Variants in CHUK observed in about 807,000 individuals in gnomAD.
CHUK encodes the protein component of inhibitor of nuclear factor kappa B kinase complex.
Under a neutral mutation model 104.8 loss-of-function variants are expected in CHUK, and 35 were observed. The observed-to-expected ratio is 0.33, with a 90% CI of 0.26 to 0.44. CHUK has a LOEUF of 0.44. Ranked by LOEUF, CHUK falls within the 20% of genes least tolerant of loss-of-function variation. The probability of loss-of-function intolerance (pLI) is 1.00; values close to 1 mark genes in which losing one functional copy is unlikely to be tolerated. For missense variants in CHUK, 663 were observed against 902.7 expected (o/e 0.73, Z 3.40); for synonymous variants, 276 against 291.9 (o/e 0.95, Z 0.56).
At position 100,218,024 on chromosome 10, in the gene CHUK, C is replaced by T. The variant is rs752475032; in HGVS notation, c.904G>A (p.Val302Ile). 2 of 1,614,112 alleles carry T rather than the reference C, an allele frequency of 1.2e-6. No homozygotes were observed. The highest frequency in any genetic ancestry group is 1.7e-6 in the Non-Finnish European group (2 of 1,179,994). Residue 302 changes from valine to isoleucine, a missense_variant, in exon 9 of 21, where the codon GTA (valine) becomes ATA (isoleucine). By Grantham distance (29) the Val-to-Ile change is conservative (BLOSUM62 3). Transcript: ENST00000370397. ...DLTLKQPRCFVLMDHILNLKI... is the reference protein window; with the variant it reads ...DLTLKQPRCFILMDHILNLKI... ...AAATTCAAAATGTGATCCATTAATA[C>T]AAAACATCTTGGCTGCTTCAAAGTA...
chr10:100,192,466 C>G (rs902396963), intron 19 of CHUK: 1 of 320,102 alleles, frequency 3.1e-6, no homozygotes, highest in African/African-American at 2.3e-5. Context: ...TACCTGATAT[C>G]AGCTTGCCTT....
chr10:100,207,282 T>C lies in CHUK; in HGVS notation c.1179A>G (p.Val393=). The change falls in exon 11 of 21, where the codon GTA becomes GTG. Residue 393 remains valine, a synonymous_variant. Coordinates refer to ENST00000370397, the MANE Select transcript of CHUK (RefSeq NM_001278.5). ...TTCTGGAAGCAAATGGCCCTTCATA[T>C]ACAGTTTTACTTTTATCAAACAAAT... ...MVYLFDKSKT[V]YEGPFASRSL... is the part of the protein sequence containing the mutation. The C allele has an allele frequency of 2.5e-6, 4 of 1,578,626 alleles. No homozygotes were observed. The highest frequency in any genetic ancestry group is 2.6e-6 in the Non-Finnish European group (3 of 1,148,632).
At chr10:100,208,381 C>T (rs370171109) in intron 10 of CHUK, among the ~76,000 whole-genome samples, 2 of 150,910 alleles carry the variant, frequency 1.3e-5, no homozygotes, top group Non-Finnish European at 2.9e-5. Flanking sequence ...CCCGGGATTA[C>T]AGGCATGGGC....
chr10:100,205,978 A>T (rs1306670144), intron 11 of CHUK, among the ~76,000 whole-genome samples: 1 of 152,170 alleles, frequency 6.6e-6, no homozygotes, highest in African/African-American at 2.4e-5. Context: ...GCAGAGGGAC[A>T]TCTTACAAAA....
At chr10:100,193,456 A>G (rs1372990675) in intron 18 of CHUK, 25 bp from the exon 19 acceptor site, 2 of 1,613,792 alleles carry the variant, frequency 1.2e-6, no homozygotes, top group Non-Finnish European at 1.7e-6. Flanking sequence ...AAAAACATCA[A>G]AAGATTACAG....
chr10:100,200,389 A>C (rs1008603829), intron 15 of CHUK, among the ~76,000 whole-genome samples: 1 of 152,212 alleles, frequency 6.6e-6, no homozygotes, highest in Non-Finnish European at 1.5e-5. Context: ...CCAGAGGTAT[A>C]ATGAGTAGGG....
In CHUK at chr10:100,194,141, T is replaced by A. The variant is rs1453011081; in HGVS notation, c.1827-10A>T. 6.2e-7 allele frequency: 1 copy of A among 1,612,938 alleles called. No individual in the cohort carries two copies. Among genetic ancestry groups the A allele is most frequent in the Admixed American group, 1.7e-5 (1 of 59,968 alleles). On this transcript the variant is annotated splice_polypyrimidine_tract_variant and intron_variant, in intron 17 of 20. Transcript: ENST00000370397. ...ACAGCCCAACAACTTGCTGGAGAGA[T>A]TAAATCAGTGTCAGACACTTTCACA...
intron 18 of CHUK, 141 bp downstream of exon 18, chr10:100,193,843 C>T (rs1313301184): frequency 6.8e-6 from 5 of 739,806 alleles, no homozygotes; most frequent in South Asian, 1.6e-5. Flanking sequence ...AGTCTGGACA[C>T]CAAGCAAGGA....
In CHUK at chr10:100,204,497, G is replaced by A. The variant is rs769582505; in HGVS notation, c.1507+9C>T. The A allele has an allele frequency of 1.9e-6, 3 of 1,611,400 alleles. No individual in the cohort carries two copies. The highest frequency in any genetic ancestry group is 1.1e-5 in the South Asian group (1 of 91,032). ...ATGCTCCTTTCAAATACATTACACA[G>A]ACACTTACATATCCCATACGTCATC... On this transcript the variant is annotated intron_variant, in intron 13 of 20. Coordinates refer to ENST00000370397, the MANE Select transcript of CHUK (RefSeq NM_001278.5).
At chr10:100,228,507 T>A (rs1325174117) in intron 1 of CHUK, among the ~76,000 whole-genome samples, 1 of 151,956 alleles carries the variant, frequency 6.6e-6, no homozygotes, top group East Asian at 1.9e-4. Flanking sequence ...TACAAAAAAA[T>A]TAGCCAGGCA....
At chr10:100,204,475 C>T (rs1214991752) in intron 13 of CHUK, 31 bp downstream of exon 13, 4 of 1,599,564 alleles carry the variant, frequency 2.5e-6, no homozygotes. Flanking sequence ...AAACCAGATG[C>T]TCCTTTCAAA....
chr10:100,193,365 C>T lies in CHUK; in HGVS notation c.2041G>A (p.Ala681Thr). The T allele has an allele frequency of 6.2e-7, 1 of 1,614,080 alleles. No individual in the cohort carries two copies. The highest frequency in any genetic ancestry group is 8.5e-7 in the Non-Finnish European group (1 of 1,179,954). ...TCTGCTGAAGTCGGGGGCAGCCATG[C>T]TGATGTCTGAGGGGTTACTGCACCT... ...LEGAVTPQTSAWLPPTSAEHD... is the reference protein window; with the variant it reads ...LEGAVTPQTSTWLPPTSAEHD... The change falls in exon 19 of 21, where the codon GCA (alanine) becomes ACA (threonine). Residue 681 changes from alanine to threonine, a missense_variant. This residue lies in a region of CHUK where 311 missense variants were observed against 393.4 expected (regional missense o/e 0.79). Coordinates refer to ENST00000370397, the MANE Select transcript of CHUK (RefSeq NM_001278.5).
chr10:100,207,369 G>A, intron 10 of CHUK, 37 bp from the exon 11 acceptor site: 1 of 1,029,240 alleles, frequency 9.7e-7, no homozygotes. Flanking sequence ...CCTGTTCAAG[G>A]ATCTTTGAAA....
intron 1 of CHUK, among the ~76,000 whole-genome samples, chr10:100,229,034 C>A (rs1414364936): frequency 6.7e-6 from 1 of 149,896 alleles, no homozygotes; most frequent in Non-Finnish European, 1.5e-5. Context: ...CACGGACGCA[C>A]ACATTCCCAA....
Position 100,219,292 on chromosome 10 carries a change from A to T in CHUK, c.542T>A (p.Phe181Tyr). Residue 181 changes from phenylalanine (F) to tyrosine (Y), a missense_variant, in exon 6 of 21, where the codon TTT becomes TAT. Transcript: ENST00000370397. ...DVDQGSLCTS[F>Y]VGTLQYLAPE... Reference sequence around the variant, plus strand: ...CACCAGATACTGCAGTGTTCCCACAAAAGATGTACACAGACTTCCTTGATC... The same window carrying T: ...CACCAGATACTGCAGTGTTCCCACATAAGATGTACACAGACTTCCTTGATC... 6.2e-7 allele frequency: 1 copy of T among 1,604,916 alleles called. No individual in the cohort carries two copies. The highest frequency in any genetic ancestry group is 8.5e-7 in the Non-Finnish European group (1 of 1,171,594).
chr10:100,204,953 C>T (rs1845555949), intron 12 of CHUK, 123 bp downstream of exon 12: 9 of 1,108,716 alleles, frequency 8.1e-6, no homozygotes, highest in Non-Finnish European at 1.2e-5. Context: ...CAGAACATTA[C>T]ACTTCAAATT....
Position 100,220,657 on chromosome 10 carries a change from C to T in CHUK, c.405G>A (p.Leu135=). ...CTCGATGTATAATTTTGTTTTCATG[C>T]AAATATCGAATCCCAGACCCTAAAT... is the stretch of plus-strand genomic sequence containing the variant. ...LSDIGSGIRY[L]HENKIIHRDL... Residue 135 remains leucine (L), a synonymous_variant, in exon 5 of 21, where the codon TTG becomes TTA. Coordinates refer to ENST00000370397, the MANE Select transcript of CHUK (RefSeq NM_001278.5). 6.2e-7 allele frequency: 1 copy of T among 1,608,510 alleles called. No individual in the cohort carries two copies. The highest frequency in any genetic ancestry group is 1.3e-5 in the African/African-American group (1 of 74,938).
At chr10:100,196,501 C>T (rs1347312504) in intron 16 of CHUK, among the ~76,000 whole-genome samples, 3 of 151,342 alleles carry the variant, frequency 2.0e-5, no homozygotes, top group East Asian at 2.0e-4. Flanking sequence ...GATCCTGCTA[C>T]TTCAGCCTCC....
At chr10:100,202,968 A>G (rs1050445590) in intron 13 of CHUK, among the ~76,000 whole-genome samples, 2 of 152,156 alleles carry the variant, frequency 1.3e-5, no homozygotes, top group Non-Finnish European at 2.9e-5. Flanking sequence ...CATGTTGCCC[A>G]GGTTAGTCTT....
Sources: allele counts gnomAD v4.1 joint callset (sites outside exome capture counted in the v4.1 genomes callset), GRCh38; gene constraint gnomAD v4.1.1; regional missense constraint gnomAD v4.1.1; transcripts MANE v1.5; gene names NCBI Gene and HGNC (gene_info 2026-07-23, HGNC 2026-07-21).